Variants in CTNNA3 observed in about 807,000 individuals in gnomAD.
CTNNA3 encodes the protein catenin alpha 3.
In CTNNA3, 76 loss-of-function variants were observed where a neutral mutation model predicts 95.7. The observed-to-expected ratio is 0.79, with a 90% CI of 0.66 to 0.96. The LOEUF is 0.96. Among genes scored for constraint, CTNNA3 ranks in the 40% least tolerant of loss-of-function variants. The probability of loss-of-function intolerance (pLI) is 0.00; values close to 1 mark genes in which losing one functional copy is unlikely to be tolerated. For missense variants in CTNNA3, 1,191 were observed against 1,089.8 expected (o/e 1.09, Z -1.31); for synonymous variants, 431 against 374.4 (o/e 1.15, Z -1.74).
chr10:67,746,578 C>G (rs749073722), intron 1 of CTNNA3, among the ~76,000 whole-genome samples: 7 of 152,302 alleles, frequency 4.6e-5, no homozygotes, highest in Non-Finnish European at 8.8e-5. Context: ...CTCAGCCCAC[C>G]TGACAGCCAC....
chr10:67,470,958 T>TTTTA (rs555737893), intron 5 of CTNNA3, among the ~76,000 whole-genome samples: 539 of 152,062 alleles, frequency 3.5e-3, no homozygotes, highest in African/African-American at 9.6e-3. Flanking sequence ...TTTTTGTCTT[T>TTTTA]TTTATTTATT....
At chr10:66,015,479 T>C (rs766286135) in intron 15 of CTNNA3, among the ~76,000 whole-genome samples, 2 of 152,210 alleles carry the variant, frequency 1.3e-5, no homozygotes, top group African/African-American at 2.4e-5. Context: ...TTCATTTATG[T>C]ATTGTCAATA....
At chr10:67,541,640 G>T (rs1840687994) in intron 3 of CTNNA3, among the ~76,000 whole-genome samples, 2 of 152,010 alleles carry the variant, frequency 1.3e-5, no homozygotes, top group Admixed American at 6.6e-5. Flanking sequence ...TTAGATGACA[G>T]CATTCATATA....
intron 1 of CTNNA3, among the ~76,000 whole-genome samples, chr10:67,691,521 G>T (rs1440594508): frequency 6.6e-6 from 1 of 151,756 alleles, no homozygotes; most frequent in Non-Finnish European, 1.5e-5. Context: ...CGTCTGAGAT[G>T]TGGGGAGCAC....
rs531502265 is a variant in CTNNA3, at chr10:66,416,161, T to C, written c.1532-36809A>G. ...ATCCTATAAATGGAGAATCATTGAATGAATTACAAAATACATTTAAAAGCT... is the reference window on the plus strand; with the variant it reads ...ATCCTATAAATGGAGAATCATTGAACGAATTACAAAATACATTTAAAAGCT... On this transcript the variant is annotated intron_variant, in intron 11 of 17. Coordinates refer to ENST00000433211, the MANE Select transcript of CTNNA3 (RefSeq NM_013266.4). Among the ~76,000 whole-genome samples the C allele has an allele frequency of 9.9e-5, 15 of 152,244 alleles. No individual in the cohort carries two copies. In the South Asian group the frequency reaches 3.1e-3, roughly 32 times the overall value.
chr10:67,453,738 A>G (rs1401910894), intron 5 of CTNNA3, among the ~76,000 whole-genome samples: 1 of 152,216 alleles, frequency 6.6e-6, no homozygotes, highest in Non-Finnish European at 1.5e-5. Context: ...CAAGATTCCC[A>G]GGCTTTGTTG....
intron 10 of CTNNA3, among the ~76,000 whole-genome samples, chr10:66,584,446 CT>C (rs1404524504): frequency 6.6e-6 from 1 of 151,528 alleles, no homozygotes; most frequent in African/African-American, 2.4e-5. Flanking sequence ...CTTCTTTGTC[CT>C]TTTTTAATAT....
intron 9 of CTNNA3, among the ~76,000 whole-genome samples, chr10:66,632,216 G>T (rs1054221299): frequency 4.6e-5 from 7 of 151,958 alleles, no homozygotes; most frequent in African/African-American, 1.7e-4. Flanking sequence ...ATTTTAATGT[G>T]CATCTGGAAG....
chr10:67,135,081 G>A (rs147973783), intron 7 of CTNNA3, among the ~76,000 whole-genome samples: 11 of 152,200 alleles, frequency 7.2e-5, no homozygotes, highest in Non-Finnish European at 1.5e-4. Flanking sequence ...ATATGGTTCT[G>A]GAGAATTATG....
intron 10 of CTNNA3, among the ~76,000 whole-genome samples, chr10:66,612,188 T>G (rs1844352538): frequency 6.6e-6 from 1 of 152,148 alleles, no homozygotes; most frequent in Non-Finnish European, 1.5e-5. Flanking sequence ...ATTGTCTATT[T>G]GCAATTTGTC....
At position 66,331,455 on chromosome 10, in the gene CTNNA3, G is replaced by A. The variant is rs561981246; in HGVS notation, c.1732+47697C>T. Among the ~76,000 whole-genome samples the A allele has an allele frequency of 4.7e-3, 649 of 137,864 alleles. 6 individuals carry two copies. Among genetic ancestry groups the A allele is most frequent in the African/African-American group, 0.017 (625 of 37,662 alleles). 90.4% of individuals were successfully genotyped at this position (137,864 alleles called of 152,430 possible). Reference sequence around the variant, plus strand: ...TGCAAGCTCCGCCTCCCGGGTTCACGCCATTCTCCTGCCTCAGCCTCCCGT... The same window carrying A: ...TGCAAGCTCCGCCTCCCGGGTTCACACCATTCTCCTGCCTCAGCCTCCCGT... On this transcript the variant is annotated intron_variant, in intron 12 of 17. Transcript: ENST00000433211.
chr10:67,698,316 A>G (rs1841004949), upstream of CTNNA3, among the ~76,000 whole-genome samples: 1 of 151,816 alleles, frequency 6.6e-6, no homozygotes, highest in African/African-American at 2.4e-5. Flanking sequence ...AATCAAAAGT[A>G]AGTTTTTTCG....
intron 9 of CTNNA3, among the ~76,000 whole-genome samples, chr10:66,685,191 G>T (rs1395028080): frequency 1.4e-5 from 1 of 72,104 alleles, no homozygotes; most frequent in Non-Finnish European, 2.6e-5. Flanking sequence ...ATATATATAC[G>T]TGTATATATA....
intron 10 of CTNNA3, among the ~76,000 whole-genome samples, chr10:66,536,136 T>TCA (rs1554813790): frequency 7.0e-6 from 1 of 143,756 alleles, no homozygotes; most frequent in Non-Finnish European, 1.5e-5. Flanking sequence ...TGAAACGACA[T>TCA]GAGAGAGAGA....
At chr10:66,281,104 T>C (rs2091484011) in intron 12 of CTNNA3, among the ~76,000 whole-genome samples, 1 of 151,870 alleles carries the variant, frequency 6.6e-6, no homozygotes, top group Non-Finnish European at 1.5e-5. Context: ...TTCTGCCTTA[T>C]AGAAATAATA....
chr10:66,202,825 A>G (rs983109697), intron 13 of CTNNA3, among the ~76,000 whole-genome samples: 52 of 152,132 alleles, frequency 3.4e-4, no homozygotes, highest in African/African-American at 1.2e-3. Context: ...TGCTAGTCTT[A>G]CGGGTGAGAT....
intron 6 of CTNNA3, among the ~76,000 whole-genome samples, chr10:67,195,003 G>C (rs1863282855): frequency 6.6e-6 from 1 of 151,828 alleles, no homozygotes; most frequent in African/African-American, 2.4e-5. Context: ...TCCATGAAAG[G>C]TTGCTGATTT....
chr10:67,733,586 A>C (rs1315257384), intron 1 of CTNNA3, among the ~76,000 whole-genome samples: 2 of 152,186 alleles, frequency 1.3e-5, no homozygotes, highest in Non-Finnish European at 2.9e-5. Flanking sequence ...CTCACCACTT[A>C]GCTGGATTCA....
chr10:66,081,212 A>G lies in CTNNA3; in HGVS notation c.1978-11723T>C, dbSNP rs181130860. ...TTGCCTTGGGTAGATGCCACCTGACACTGGCAAGTAGAATTCAGCTAGAAG... is the reference window on the plus strand; with the variant it reads ...TTGCCTTGGGTAGATGCCACCTGACGCTGGCAAGTAGAATTCAGCTAGAAG... On this transcript the variant is annotated intron_variant, in intron 14 of 17. Transcript: ENST00000433211. Among the ~76,000 whole-genome samples the G allele has an allele frequency of 2.4e-4, 36 of 152,308 alleles. No homozygotes were observed. The East Asian group carries it at 4.1e-3, about 17-fold the overall frequency.
Sources: allele counts gnomAD v4.1 joint callset (sites outside exome capture counted in the v4.1 genomes callset), GRCh38; gene constraint gnomAD v4.1.1; transcripts MANE v1.5; gene names NCBI Gene and HGNC (gene_info 2026-07-23, HGNC 2026-07-21).